The following REDIC1 variants were observed in gnomAD, a reference collection of about 807,000 sequenced individuals.
The protein encoded by REDIC1 is regulator of DNA class I crossover intermediates 1.
chr12:39,767,863 C>T, the REDIC1 span, among the ~76,000 whole-genome samples: 1 of 152,002 alleles, frequency 6.6e-6, no homozygotes, highest in Admixed American at 6.6e-5. Context: ...TTCCTGTCGC[C>T]ATGTGAAGAG....
At chr12:39,702,854 T>C in the REDIC1 span, among the ~76,000 whole-genome samples, 7 of 152,318 alleles carry the variant, frequency 4.6e-5, no homozygotes, top group East Asian at 3.9e-4. Flanking sequence ...TCTCAATAGA[T>C]GCAGAAAAGT....
At chr12:39,681,805 T>G in the REDIC1 span, among the ~76,000 whole-genome samples, 1 of 152,218 alleles carries the variant, frequency 6.6e-6, no homozygotes, top group Non-Finnish European at 1.5e-5. Context: ...AAATATTTGA[T>G]AAATAATTTA....
At chr12:39,668,013 T>C in the REDIC1 span, among the ~76,000 whole-genome samples, 6 of 152,340 alleles carry the variant, frequency 3.9e-5, no homozygotes, top group Admixed American at 3.3e-4. Flanking sequence ...GTCTTAACTC[T>C]TTATCCAATT....
chr12:39,846,526 A>G, the REDIC1 span, among the ~76,000 whole-genome samples: 1 of 152,132 alleles, frequency 6.6e-6, no homozygotes, highest in South Asian at 2.1e-4. Context: ...ATCTCAGGTT[A>G]CTTCAACTTC....
At chr12:39,664,442 A>G in the REDIC1 span, among the ~76,000 whole-genome samples, 1 of 152,064 alleles carries the variant, frequency 6.6e-6, no homozygotes, top group Non-Finnish European at 1.5e-5. Context: ...TCCATGGTGT[A>G]TATGTGCCAC....
the REDIC1 span, among the ~76,000 whole-genome samples, chr12:39,859,110 C>T: frequency 0.072 from 10,885 of 151,934 alleles, 861 homozygotes; most frequent in African/African-American, 0.2. Context: ...TTCACAAAAC[C>T]AGTGTCACCA....
At chr12:39,875,020 C>T in the REDIC1 span, among the ~76,000 whole-genome samples, 2 of 152,350 alleles carry the variant, frequency 1.3e-5, no homozygotes, top group South Asian at 2.1e-4. Context: ...TTGTCCTGTA[C>T]AGACTGCCTT....
chr12:39,786,284 G>C, the REDIC1 span, among the ~76,000 whole-genome samples: 1 of 151,996 alleles, frequency 6.6e-6, no homozygotes. Context: ...AGTCTCATGA[G>C]ATCTGATGGT....
the REDIC1 span, among the ~76,000 whole-genome samples, chr12:39,871,010 C>T: frequency 6.6e-6 from 1 of 152,104 alleles, no homozygotes; most frequent in Non-Finnish European, 1.5e-5. Flanking sequence ...TGCATTCTCA[C>T]TCCAAATAAA....
chr12:39,896,362 A>T, the REDIC1 span, among the ~76,000 whole-genome samples: 7 of 139,636 alleles, frequency 5.0e-5, no homozygotes, highest in African/African-American at 1.4e-4. Context: ...GTATATGTGT[A>T]TATATGTATA....
the REDIC1 span, among the ~76,000 whole-genome samples, chr12:39,885,689 G>A: frequency 4.6e-5 from 7 of 152,082 alleles, no homozygotes; most frequent in South Asian, 2.1e-4. Context: ...CTTCTACCTC[G>A]TGAATCATGG....
chr12:39,630,126 G>C, the REDIC1 span, among the ~76,000 whole-genome samples: 1 of 151,980 alleles, frequency 6.6e-6, no homozygotes, highest in Non-Finnish European at 1.5e-5. Context: ...TGTAAGCATT[G>C]ATTTGTTTTT....
At chr12:39,759,336 A>C in the REDIC1 span, 1 of 152,258 alleles carries the variant, frequency 6.6e-6, no homozygotes, top group South Asian at 2.1e-4. Context: ...CTGATGCAAA[A>C]AAAAGAAGTA....
chr12:39,659,137 CTT>C, the REDIC1 span, among the ~76,000 whole-genome samples: 277 of 151,940 alleles, frequency 1.8e-3, no homozygotes, highest in African/African-American at 6.1e-3. Context: ...TGAAAGATGT[CTT>C]TTGACTTGGT....
chr12:39,828,358 G>T, the REDIC1 span, among the ~76,000 whole-genome samples: 13 of 151,182 alleles, frequency 8.6e-5, no homozygotes, highest in African/African-American at 3.2e-4. Flanking sequence ...TTAGTTATCT[G>T]TGCCTTACTT....
chr12:39,707,749 T>G, the REDIC1 span, among the ~76,000 whole-genome samples: 1 of 151,938 alleles, frequency 6.6e-6, no homozygotes, highest in Non-Finnish European at 1.5e-5. Context: ...TTGCATTTTT[T>G]AAAAAGTTTT....
chr12:39,796,462 G>A, the REDIC1 span, among the ~76,000 whole-genome samples: 34 of 141,366 alleles, frequency 2.4e-4, no homozygotes, highest in South Asian at 4.7e-4. Context: ...AACAAAAAAA[G>A]AAATGAGGTA....
the REDIC1 span, among the ~76,000 whole-genome samples, chr12:39,876,755 G>A: frequency 8.3e-4 from 126 of 151,916 alleles, 3 homozygotes; most frequent in Non-Finnish European, 2.1e-4. Flanking sequence ...TTTTTTTCTG[G>A]CATGGGACTA....
At chr12:39,895,757 TACGTACACAC>T in the REDIC1 span, among the ~76,000 whole-genome samples, 8,217 of 90,834 alleles carry the variant, frequency 0.09, 1,686 homozygotes, top group Non-Finnish European at 0.1. Flanking sequence ...TATGCGTGTA[TACGTACACAC>T]ATGTATATGC....
Sources: gnomAD v4.1 joint callset for allele counts (sites outside exome capture counted in the v4.1 genomes callset) on GRCh38, gnomAD v4.1.1 for gene constraint, MANE v1.5 for transcripts, NCBI Gene and HGNC (gene_info 2026-07-23, HGNC 2026-07-21) for gene names.